The following GAN variants were observed in gnomAD, a reference collection of about 807,000 sequenced individuals.
GAN encodes epididymis secretory sperm binding protein.
GAN carries 48 observed loss-of-function variants against 71.3 expected under a neutral mutation model. The ratio of observed to expected loss-of-function variants is 0.67; its 90% CI spans 0.53 to 0.86. The LOEUF is 0.86. GAN is among the 40% of genes least tolerant of loss of function. GAN has a pLI of 0.00. For missense variants in GAN, 928 were observed against 770.1 expected, an observed-to-expected ratio of 1.21 and a Z score of -2.43; for synonymous variants, 386 against 276.8, an observed-to-expected ratio of 1.39 and a Z score of -3.92.
chr16:81,320,713 AC>A (rs1383055405), intron 1 of GAN, among the ~76,000 whole-genome samples: 1 of 152,206 alleles, frequency 6.6e-6, no homozygotes, highest in Non-Finnish European at 1.5e-5. Flanking sequence ...AATCCTGAGC[AC>A]ACTTAAAATA....
intron 1 of GAN, among the ~76,000 whole-genome samples, chr16:81,334,183 C>T (rs1020552744): frequency 6.6e-6 from 1 of 152,142 alleles, no homozygotes; most frequent in African/African-American, 2.4e-5. Context: ...ATTATATTTC[C>T]TCTTCAAAGT....
rs528748555 is a variant in GAN, at chr16:81,379,153, C to A, written c.*1557C>A. 3.3e-5 allele frequency: 5 copies of A among 152,118 alleles called. No homozygotes were observed. In the East Asian group the frequency reaches 7.7e-4, roughly 24 times the overall value. 9.4% of individuals were successfully genotyped at this position (152,118 alleles called of 1,614,324 possible). A position where few individuals can be genotyped will look rare whatever the true frequency, so the allele number is the denominator to read the frequency against. ...CGAGAACAGGAATTTCTTCTAGAAACTTCCTGTATGGAACGTTTATATGCA... is the reference window on the plus strand; with the variant it reads ...CGAGAACAGGAATTTCTTCTAGAAAATTCCTGTATGGAACGTTTATATGCA... On this transcript the variant is annotated 3_prime_UTR_variant, in exon 11 of 11. Transcript: ENST00000648994.
chr16:81,379,857 T>A lies in GAN; in HGVS notation c.*2261T>A, dbSNP rs2150700459. On this transcript the variant is annotated 3_prime_UTR_variant, in exon 11 of 11. Coordinates refer to ENST00000648994, the MANE Select transcript of GAN (RefSeq NM_022041.4). ...GTTCATTATTTAGGAGTGAATGTGTTCCTCTTGCAATATTATCAGTACCTG... is the reference window on the plus strand; with the variant it reads ...GTTCATTATTTAGGAGTGAATGTGTACCTCTTGCAATATTATCAGTACCTG... The A allele has an allele frequency of 6.6e-6, 1 of 152,360 alleles. No individual in the cohort carries two copies. Among genetic ancestry groups the A allele is most frequent in the Non-Finnish European group, 1.5e-5 (1 of 67,994 alleles). 9.4% of individuals were successfully genotyped at this position (152,360 alleles called of 1,614,324 possible).
intron 1 of GAN, among the ~76,000 whole-genome samples, chr16:81,320,291 A>G (rs1002854081): frequency 9.2e-5 from 14 of 152,332 alleles, no homozygotes; most frequent in Non-Finnish European, 1.9e-4. Flanking sequence ...TTAATGTCAC[A>G]TGGGCACTAA....
At chr16:81,350,262 T>C (rs1390479247) in intron 1 of GAN, among the ~76,000 whole-genome samples, 1 of 152,204 alleles carries the variant, frequency 6.6e-6, no homozygotes. Context: ...CAAAGAGATG[T>C]TCAGCACCTG....
chr16:81,334,307 T>C (rs918877437), intron 1 of GAN, among the ~76,000 whole-genome samples: 1 of 152,228 alleles, frequency 6.6e-6, no homozygotes, highest in African/African-American at 2.4e-5. Flanking sequence ...TGTGGCCTCC[T>C]GGGAGTTGCT....
rs771439755 is a variant in GAN, at chr16:81,386,377, TAAAAAC to T, written c.*8785_*8790del. On this transcript the variant is annotated 3_prime_UTR_variant, in exon 11 of 11. Transcript: ENST00000648994. ...CTTAACTTGGATGTTACATGAAACT[TAAAAAC>T]AAACAAATATGTGTTACAAGTACTT... 6.6e-6 allele frequency: 1 copy of T among 152,202 alleles called. No individual in the cohort carries two copies. The highest frequency in any genetic ancestry group is 1.5e-5 in the Non-Finnish European group (1 of 68,042). The allele number at this position is 152,202 out of a possible 1,614,324, so 9.4% of individuals were successfully genotyped here.
intron 1 of GAN, among the ~76,000 whole-genome samples, chr16:81,347,060 G>A (rs1910141457): frequency 6.6e-6 from 1 of 152,222 alleles, no homozygotes; most frequent in Non-Finnish European, 1.5e-5. Flanking sequence ...GTGAAGACAT[G>A]TCTGCTGCCA....
intron 1 of GAN, among the ~76,000 whole-genome samples, chr16:81,346,488 G>A (rs1405217037): frequency 6.6e-6 from 1 of 152,148 alleles, no homozygotes; most frequent in Non-Finnish European, 1.5e-5. Flanking sequence ...GATCAGTGGT[G>A]GCATTAGATT....
intron 1 of GAN, among the ~76,000 whole-genome samples, chr16:81,347,445 C>T (rs776178859): frequency 2.6e-5 from 4 of 152,216 alleles, no homozygotes; most frequent in Non-Finnish European, 4.4e-5. Context: ...GATCATTCTT[C>T]ACCATTATTG....
At chr16:81,347,586 A>G (rs1281273045) in intron 1 of GAN, among the ~76,000 whole-genome samples, 1 of 152,042 alleles carries the variant, frequency 6.6e-6, no homozygotes, top group African/African-American at 2.4e-5. Context: ...GTTGCATGGG[A>G]AGTAAATTGT....
At chr16:81,350,883 A>T (rs1253868309) in intron 1 of GAN, among the ~76,000 whole-genome samples, 2 of 152,208 alleles carry the variant, frequency 1.3e-5, no homozygotes, top group Admixed American at 6.5e-5. Flanking sequence ...CACAGTTTGC[A>T]ATATCGAAAA....
Position 81,378,576 on chromosome 16 carries a change from C to G in GAN, c.*980C>G, listed in dbSNP as rs575319570. ...TTCATATAACCTGTCTGAAAGCACA[C>G]AAAGTCTTGTTTACTACTGTTTAGG... On this transcript the variant is annotated 3_prime_UTR_variant, in exon 11 of 11. Coordinates refer to ENST00000648994, the MANE Select transcript of GAN (RefSeq NM_022041.4). 84 of 152,672 alleles carry G rather than the reference C, an allele frequency of 5.5e-4. No individual in the cohort carries two copies. Among genetic ancestry groups the G allele is most frequent in the African/African-American group, 2.0e-3 (84 of 41,572 alleles). 9.5% of individuals were successfully genotyped at this position (152,672 alleles called of 1,614,324 possible).
At chr16:81,354,799 T>C (rs1465495479) in intron 3 of GAN, 44 bp downstream of exon 3, 1 of 1,115,224 alleles carries the variant, frequency 9.0e-7, no homozygotes, top group Non-Finnish European at 1.4e-6. Flanking sequence ...TTTTTATTTC[T>C]TTTTAATTCA....
intron 1 of GAN, among the ~76,000 whole-genome samples, chr16:81,318,702 C>G (rs1909125706): frequency 6.6e-6 from 1 of 152,104 alleles, no homozygotes. Flanking sequence ...CCTTGTTTTT[C>G]CTGCTGACAC....
intron 5 of GAN, 73 bp downstream of exon 5, chr16:81,358,004 C>A: frequency 7.9e-7 from 1 of 1,258,040 alleles, no homozygotes; most frequent in Non-Finnish European, 1.2e-6. Flanking sequence ...TACAGAATGA[C>A]TCAGAGCCTT....
chr16:81,347,032 A>G (rs1219034489), intron 1 of GAN, among the ~76,000 whole-genome samples: 2 of 152,254 alleles, frequency 1.3e-5, no homozygotes, highest in African/African-American at 4.8e-5. Context: ...AGAAATACAA[A>G]TAGTCATGAC....
rs8062805 is a variant in GAN at position 81,389,346 on chromosome 16, T to C, written c.*11750T>C. The stretch of plus-strand genomic sequence containing the variant: ...GTGATACCCTTTGTTTTTTGTATCA[T>C]ACCTTTTGTGAATTGTGACAACCAT... On this transcript the variant is annotated 3_prime_UTR_variant, in exon 11 of 11. Transcript: ENST00000648994. 59,231 of 152,110 alleles carry C rather than the reference T, an allele frequency of 0.39. 12,765 individuals are homozygous for C. Among genetic ancestry groups the C allele is most frequent in the Middle Eastern group, 0.57 (167 of 294 alleles). The allele number at this position is 152,110 out of a possible 1,614,324, so 9.4% of individuals were successfully genotyped here.
chr16:81,337,791 G>T (rs1314738845), intron 1 of GAN, among the ~76,000 whole-genome samples: 1 of 152,114 alleles, frequency 6.6e-6, no homozygotes, highest in African/African-American at 2.4e-5. Context: ...TACTTTAATA[G>T]AACAGAAGAA....
Sources: allele counts gnomAD v4.1 joint callset (sites outside exome capture counted in the v4.1 genomes callset), GRCh38; gene constraint gnomAD v4.1.1; transcripts MANE v1.5; gene names NCBI Gene and HGNC (gene_info 2026-07-23, HGNC 2026-07-21).